Variants in TCF12 observed in about 807,000 individuals in gnomAD.
The protein encoded by TCF12 is transcription factor 12, also known as DNA-binding protein HTF4.
A neutral mutation model predicts 86.0 loss-of-function variants in TCF12; 45 were observed. The observed-to-expected ratio is 0.52, with a 90% CI of 0.41 to 0.67. TCF12 has a LOEUF of 0.67. Ranked by LOEUF, TCF12 falls within the 30% of genes least tolerant of loss-of-function variation. The pLI is 0.00. For missense variants in TCF12, 881 were observed against 859.9 expected (o/e 1.02, Z -0.31); for synonymous variants, 330 against 299.6 (o/e 1.10, Z -1.05).
chr15:57,091,994 G>A, intron 5 of TCF12, 103 bp downstream of exon 5: 1 of 902,344 alleles, frequency 1.1e-6, no homozygotes, highest in Non-Finnish European at 1.7e-6. Flanking sequence ...CTAGAAGAAA[G>A]TTCTTGAGTT....
chr15:56,918,094 C>T (rs2059587925), upstream of TCF12: 2 of 397,378 alleles, frequency 5.0e-6, no homozygotes, highest in Non-Finnish European at 1.0e-5. Flanking sequence ...ACTCTCGGAA[C>T]GGCCGAGGAG....
chr15:57,250,426 G>A (rs1457393667), intron 13 of TCF12, among the ~76,000 whole-genome samples: 7 of 152,102 alleles, frequency 4.6e-5, no homozygotes, highest in African/African-American at 1.7e-4. Flanking sequence ...AATAATAGTG[G>A]CTAAGCAAAT....
intron 3 of TCF12, among the ~76,000 whole-genome samples, chr15:56,972,546 T>C (rs1258101180): frequency 1.3e-5 from 2 of 152,052 alleles, no homozygotes; most frequent in African/African-American, 4.8e-5. Context: ...CTTGCTTAGG[T>C]AGTAAAGAAG....
intron 18 of TCF12, among the ~76,000 whole-genome samples, chr15:57,269,041 C>T (rs553150897): frequency 3.3e-4 from 50 of 152,022 alleles, no homozygotes; most frequent in Non-Finnish European, 5.1e-4. Context: ...CTGTTAAGTC[C>T]GCTTGGTCCA....
At chr15:57,189,585 A>G (rs775320819) in intron 6 of TCF12, among the ~76,000 whole-genome samples, 1 of 152,220 alleles carries the variant, frequency 6.6e-6, no homozygotes, top group Non-Finnish European at 1.5e-5. Context: ...AAAAGCAAAC[A>G]GAAACTAGGC....
rs35859330 is a variant in TCF12 at position 57,054,773 on chromosome 15, C to CTTT, written c.149-8950_149-8948dup. On this transcript the variant is annotated intron_variant, in intron 3 of 20. Transcript: ENST00000333725. ...AGCTGGCTTTTTTGCAATGCCTCTGCTTTTTTTTTTTTTTTTTTTTTTTTT... is the reference window on the plus strand; with the variant it reads ...AGCTGGCTTTTTTGCAATGCCTCTGCTTTTTTTTTTTTTTTTTTTTTTTTTTTT... Among the ~76,000 whole-genome samples, 17 of 24,190 alleles carry CTTT rather than the reference C, an allele frequency of 7.0e-4. 5 individuals are homozygous for CTTT. Among genetic ancestry groups the CTTT allele is most frequent in the East Asian group, 1.5e-3 (3 of 2,022 alleles). 15.9% of individuals were successfully genotyped at this position (24,190 alleles called of 152,430 possible).
rs1362152149 is a variant in TCF12 at position 57,177,633 on chromosome 15, A to AGAGAGAGAGAGAGAGAGAGAGAGAGT, written c.390+11172_390+11173insAGAGAGAGAGAGAGAGAGAGTGAGAG. On this transcript the variant is annotated intron_variant, in intron 6 of 20. Coordinates refer to ENST00000333725, the MANE Select transcript of TCF12 (RefSeq NM_207037.2). The stretch of plus-strand genomic sequence containing the variant: ...CAGAGAGAGAGAGAGAGAGAGAGAG[A>AGAGAGAGAGAGAGAGAGAGAGAGAGT]GAGAGTTGGATTAGGCAGGGCCTAC... Among the ~76,000 whole-genome samples the AGAGAGAGAGAGAGAGAGAGAGAGAGT allele has an allele frequency of 5.9e-5, 9 of 151,744 alleles. No individual in the cohort carries two copies. In the East Asian group the frequency reaches 1.8e-3, roughly 30 times the overall value.
intron 7 of TCF12, 33 bp from the exon 8 acceptor site, chr15:57,197,740 A>G: frequency 2.5e-6 from 4 of 1,610,404 alleles, no homozygotes; most frequent in Non-Finnish European, 3.4e-6. Flanking sequence ...CTGGTATATT[A>G]TGCTGAAGAA....
At chr15:57,116,222 G>C (rs1436648623) in intron 5 of TCF12, among the ~76,000 whole-genome samples, 1 of 152,090 alleles carries the variant, frequency 6.6e-6, no homozygotes, top group East Asian at 1.9e-4. Context: ...CTGACCCTGG[G>C]TCCTACATAT....
chr15:57,200,990 G>C (rs1268710518), intron 8 of TCF12, among the ~76,000 whole-genome samples: 2 of 152,104 alleles, frequency 1.3e-5, no homozygotes, highest in Non-Finnish European at 2.9e-5. Flanking sequence ...GTTCCTTTCA[G>C]GTCTAAATTG....
At chr15:57,079,627 G>C (rs1379062196) in intron 4 of TCF12, among the ~76,000 whole-genome samples, 3 of 152,164 alleles carry the variant, frequency 2.0e-5, no homozygotes, top group African/African-American at 7.2e-5. Flanking sequence ...AATTCTAGTA[G>C]ATGTTTCTCA....
chr15:57,170,275 T>A lies in TCF12; in HGVS notation c.390+3809T>A, dbSNP rs959749176. On this transcript the variant is annotated intron_variant, in intron 6 of 20. Transcript: ENST00000333725. Reference sequence around the variant, plus strand: ...TGAGAAGGAGACAGGGAATTAAAAATTTTTTTTTTTTTTGAGGCAAGGTTT... The same window carrying A: ...TGAGAAGGAGACAGGGAATTAAAAAATTTTTTTTTTTTTGAGGCAAGGTTT... Among the ~76,000 whole-genome samples the A allele has an allele frequency of 4.7e-4, 62 of 131,238 alleles. 1 individual carries two copies. Among genetic ancestry groups the A allele is most frequent in the African/African-American group, 1.4e-3 (40 of 28,674 alleles). 86.1% of individuals were successfully genotyped at this position (131,238 alleles called of 152,430 possible).
At chr15:57,074,282 CA>C (rs1239189854) in intron 4 of TCF12, among the ~76,000 whole-genome samples, 1 of 148,440 alleles carries the variant, frequency 6.7e-6, no homozygotes, top group Admixed American at 6.8e-5. Flanking sequence ...AAGTTTTATA[CA>C]GTATTTAGCT....
intron 3 of TCF12, among the ~76,000 whole-genome samples, chr15:56,991,378 A>T (rs1396972486): frequency 6.6e-6 from 1 of 152,240 alleles, no homozygotes; most frequent in Non-Finnish European, 1.5e-5. Context: ...AGTTAGAGAC[A>T]TAGGAAAAAG....
intron 13 of TCF12, among the ~76,000 whole-genome samples, chr15:57,244,504 G>A (rs11637799): frequency 6.6e-6 from 1 of 152,200 alleles, no homozygotes; most frequent in Non-Finnish European, 1.5e-5. Flanking sequence ...CTGTTGCCCA[G>A]GCTGGAGTGC....
chr15:56,980,500 T>C (rs1013696318), intron 3 of TCF12, among the ~76,000 whole-genome samples: 14 of 152,192 alleles, frequency 9.2e-5, no homozygotes, highest in Non-Finnish European at 1.8e-4. Flanking sequence ...CTGTAGACTT[T>C]TCAGCCTCCA....
chr15:57,181,922 G>A (rs1338651779), intron 6 of TCF12, among the ~76,000 whole-genome samples: 4 of 151,984 alleles, frequency 2.6e-5, no homozygotes, highest in Non-Finnish European at 5.9e-5. Context: ...AAAAATGTCT[G>A]GATGACTGTA....
chr15:57,150,946 C>G (rs1430585589), intron 5 of TCF12, among the ~76,000 whole-genome samples: 1 of 138,792 alleles, frequency 7.2e-6, no homozygotes, highest in Non-Finnish European at 1.5e-5. Flanking sequence ...TTCTTCCCTT[C>G]CCCTCCCCTT....
At chr15:57,146,352 A>G (rs2053362657) in intron 5 of TCF12, among the ~76,000 whole-genome samples, 1 of 152,224 alleles carries the variant, frequency 6.6e-6, no homozygotes, top group African/African-American at 2.4e-5. Flanking sequence ...GAAATTTAAA[A>G]TGAAATTACT....
Sources: gnomAD v4.1 joint callset for allele counts (sites outside exome capture counted in the v4.1 genomes callset) on GRCh38, gnomAD v4.1.1 for gene constraint, MANE v1.5 for transcripts, NCBI Gene and HGNC (gene_info 2026-07-23, HGNC 2026-07-21) for gene names.